MORN1: variants seen among roughly 807,000 people sequenced by gnomAD.
MORN1 encodes MORN repeat-containing protein 1.
A neutral mutation model predicts 61.9 loss-of-function variants in MORN1; 67 were observed. The observed-to-expected ratio is 1.08, with a 90% CI of 0.89 to 1.33. The LOEUF (loss-of-function observed/expected upper bound fraction) is 1.33, where lower values mean the gene tolerates loss of function less well. Ranked by LOEUF, MORN1 falls within the 40% of genes most tolerant of loss-of-function variation. The probability of loss-of-function intolerance (pLI) is 0.00; values close to 1 mark genes in which losing one functional copy is unlikely to be tolerated. For missense variants in MORN1, 752 were observed against 691.2 expected (o/e 1.09, Z -0.99); for synonymous variants, 301 against 292.0 (o/e 1.03, Z -0.31).
intron 6 of MORN1, among the ~76,000 whole-genome samples, chr1:2,380,538 AGT>A (rs1642348638): frequency 6.6e-6 from 1 of 152,044 alleles, no homozygotes; most frequent in Admixed American, 6.5e-5. Context: ...CAAAATGGTT[AGT>A]GTTTTGGTTT....
chr1:2,340,009 A>G (rs1569943151), intron 10 of MORN1, among the ~76,000 whole-genome samples: 1 of 152,212 alleles, frequency 6.6e-6, no homozygotes, highest in Non-Finnish European at 1.5e-5. Context: ...CTGAAGACGC[A>G]GGTTTTCCAA....
At chr1:2,370,677 T>C (rs555769357) in intron 8 of MORN1, among the ~76,000 whole-genome samples, 47 of 33,046 alleles carry the variant, frequency 1.4e-3, no homozygotes, top group East Asian at 3.6e-3. Flanking sequence ...TTTTCTTCTT[T>C]TTTTTTTTTT....
Position 2,391,511 on chromosome 1 carries a change from G to T in MORN1, c.23C>A (p.Thr8Asn). 5 of 1,250,594 alleles carry T rather than the reference G, an allele frequency of 4.0e-6. No individual in the cohort carries two copies. The highest frequency in any genetic ancestry group is 5.0e-6 in the Non-Finnish European group (5 of 991,632). The allele number at this position is 1,250,594 out of a possible 1,614,324, so 77.5% of individuals were successfully genotyped here. Residue 8 changes from threonine to asparagine, a missense_variant, in exon 1 of 14, where the codon ACC (threonine) becomes AAC (asparagine). Thr to Asn is a moderately conservative substitution (Grantham distance 65). Transcript: ENST00000378531. ...CCGACGCGGCCCGCGGGAGCTCGGG[G>T]TGCCCTCGCCCGCCGCTGCCATCTT... is the stretch of plus-strand genomic sequence containing the variant. MAAAGEG[T>N]PSSRGPRRDP...
rs555565778 is a variant in MORN1 at position 2,349,150 on chromosome 1, G to A, written c.1036+8282C>T. Reference sequence around the variant, plus strand: ...CCCCGCTGGCCACCCCACTTGGCAGGACTTGATGGCTTTGGGACTGAATTG... The same window carrying A: ...CCCCGCTGGCCACCCCACTTGGCAGAACTTGATGGCTTTGGGACTGAATTG... On this transcript the variant is annotated intron_variant, in intron 10 of 13. Coordinates refer to ENST00000378531, the MANE Select transcript of MORN1 (RefSeq NM_024848.3). Among the ~76,000 whole-genome samples the A allele has an allele frequency of 3.9e-5, 6 of 152,362 alleles. No homozygotes were observed. The East Asian group carries it at 1.2e-3, about 29-fold the overall frequency.
rs1296896349 is a variant in MORN1 at position 2,389,968 on chromosome 1, G to A, written c.105C>T (p.Ser35=). Residue 35 remains serine, a synonymous_variant, in exon 2 of 14, where the codon TCC becomes TCT. Transcript: ENST00000378531. ...NGYGVYVYPN[S]FFRYEGEWKA... is the part of the protein sequence containing the mutation. The stretch of plus-strand genomic sequence containing the variant: ...TCCATTCTCCTTCATATCGAAAGAA[G>A]GAATTTGGGTATACGTAGACACCAT... 6 of 1,613,980 alleles carry A rather than the reference G, an allele frequency of 3.7e-6. No homozygotes were observed. Among genetic ancestry groups the A allele is most frequent in the South Asian group, 1.1e-5 (1 of 91,088 alleles).
At chr1:2,367,908 C>G (rs59094876) in intron 8 of MORN1, among the ~76,000 whole-genome samples, 2 of 152,056 alleles carry the variant, frequency 1.3e-5, no homozygotes, top group Non-Finnish European at 2.9e-5. Flanking sequence ...GGATTACAGG[C>G]GTGAGCCACC....
chr1:2,322,576 TG>T, intron 13 of MORN1: 3 of 982,936 alleles, frequency 3.1e-6, no homozygotes, highest in Non-Finnish European at 2.4e-6. Context: ...AACACGGTTC[TG>T]GGGGGCCTCG....
chr1:2,360,832 A>T (rs1641877146), intron 8 of MORN1, among the ~76,000 whole-genome samples: 1 of 151,894 alleles, frequency 6.6e-6, no homozygotes, highest in Non-Finnish European at 1.5e-5. Flanking sequence ...GGCTGGAAAA[A>T]CTCAGAGGTC....
chr1:2,348,834 C>G (rs377039635), intron 10 of MORN1, among the ~76,000 whole-genome samples: 8 of 152,208 alleles, frequency 5.3e-5, no homozygotes, highest in African/African-American at 1.7e-4. Context: ...CGCACGCACA[C>G]GCACACCTGC....
intron 8 of MORN1, among the ~76,000 whole-genome samples, chr1:2,369,283 G>A (rs1314965754): frequency 6.6e-6 from 1 of 150,778 alleles, no homozygotes; most frequent in African/African-American, 2.4e-5. Context: ...GAACCCAGGA[G>A]GTGGAGCTTG....
Position 2,321,283 on chromosome 1 carries a change from G to A in MORN1, c.*100C>T. On this transcript the variant is annotated 3_prime_UTR_variant, in exon 14 of 14. Coordinates refer to ENST00000378531, the MANE Select transcript of MORN1 (RefSeq NM_024848.3). ...GCCACTGAGCATTTTATTCAAGCCA[G>A]CAACCACGGGGCTCTGGAGAATCGG... 4.2e-6 allele frequency: 4 copies of A among 947,856 alleles called. No individual in the cohort carries two copies. The East Asian group carries it at 1.2e-4, about 28-fold the overall frequency. The allele number at this position is 947,856 out of a possible 1,614,324, so 58.7% of individuals were successfully genotyped here.
In MORN1 at chr1:2,357,633, C is replaced by T. The variant is rs368490403; in HGVS notation, c.870-35G>A. 4.5e-6 allele frequency: 7 copies of T among 1,550,448 alleles called. No individual in the cohort carries two copies. Among genetic ancestry groups the T allele is most frequent in the South Asian group, 3.6e-5 (3 of 82,896 alleles). ...AATGGGGGCAGCTTGGCTCTACTCA[C>T]CCCACACCAAACTAGGGTGCAGGCA... is the stretch of plus-strand genomic sequence containing the variant. On this transcript the variant is annotated intron_variant, in intron 9 of 13. Transcript: ENST00000378531. The surrounding 1 kb of genome is among the most constrained non-coding windows in gnomAD (Gnocchi z 6.3).
At chr1:2,338,473 G>A (rs145487255) in intron 10 of MORN1, among the ~76,000 whole-genome samples, 21 of 152,148 alleles carry the variant, frequency 1.4e-4, no homozygotes, top group East Asian at 7.7e-4. Flanking sequence ...GTCTTTTATC[G>A]ACACCCCCTG....
intron 10 of MORN1, among the ~76,000 whole-genome samples, chr1:2,354,013 G>T (rs1641707385): frequency 6.6e-6 from 1 of 152,256 alleles, no homozygotes; most frequent in South Asian, 2.1e-4. Context: ...GGCCGGGCAT[G>T]GTGGCTCACG....
At chr1:2,327,491 AAC>A (rs540514900) in intron 12 of MORN1, among the ~76,000 whole-genome samples, 7 of 143,170 alleles carry the variant, frequency 4.9e-5, no homozygotes, top group African/African-American at 2.0e-4. Flanking sequence ...CAGAAACAGA[AAC>A]ACAGAAACAA....
intron 8 of MORN1, among the ~76,000 whole-genome samples, chr1:2,362,716 T>C (rs1641916344): frequency 1.3e-5 from 2 of 151,988 alleles, no homozygotes; most frequent in Non-Finnish European, 2.9e-5. Flanking sequence ...CAAAAAAAAT[T>C]AGCTGGGTGT....
At chr1:2,345,663 C>G (rs76704012) in intron 10 of MORN1, among the ~76,000 whole-genome samples, 6,219 of 152,312 alleles carry the variant, frequency 0.041, 421 homozygotes, top group African/African-American at 0.14. Context: ...AGGGTCTCCT[C>G]GAGGAACAGA....
At chr1:2,391,266 G>A (rs1025019558) in intron 1 of MORN1, among the ~76,000 whole-genome samples, 192 bp downstream of exon 1, 21 of 152,286 alleles carry the variant, frequency 1.4e-4, no homozygotes, top group East Asian at 1.2e-3. Flanking sequence ...CTCGGGGAAG[G>A]GTGCGAGCCG....
intron 10 of MORN1, among the ~76,000 whole-genome samples, chr1:2,354,286 A>C (rs1184820637): frequency 1.3e-5 from 2 of 152,088 alleles, no homozygotes; most frequent in Non-Finnish European, 2.9e-5. Context: ...AGTTTTAAGA[A>C]AAGGAAAGTA....
Sources: gnomAD v4.1 joint callset for allele counts (sites outside exome capture counted in the v4.1 genomes callset) on GRCh38, gnomAD v4.1.1 for gene constraint, Gnocchi (gnomAD v3.1) non-coding constraint, MANE v1.5 for transcripts, NCBI Gene and HGNC (gene_info 2026-07-23, HGNC 2026-07-21) for gene names.